STAT5B: variants seen among roughly 807,000 people sequenced by gnomAD.
STAT5B encodes the protein transcription factor STAT5B.
Under a neutral mutation model 107.8 loss-of-function variants are expected in STAT5B, and 21 were observed. The observed-to-expected ratio is 0.19, with a 90% CI of 0.14 to 0.28. The LOEUF is 0.28. Among genes scored for constraint, STAT5B ranks in the 10% least tolerant of loss-of-function variants. The probability of loss-of-function intolerance (pLI) is 1.00; values close to 1 mark genes in which losing one functional copy is unlikely to be tolerated. For missense variants in STAT5B, 565 were observed against 1,008.2 expected (o/e 0.56, Z 5.95); for synonymous variants, 325 against 401.7 (o/e 0.81, Z 2.28).
chr17:42,272,335 G>A (rs2080727957), intron 1 of STAT5B: 1 of 152,046 alleles, frequency 6.6e-6, no homozygotes, highest in African/African-American at 2.4e-5. Context: ...ATAAACCATG[G>A]GGTTCTGTAT....
chr17:42,222,073 T>G, intron 5 of STAT5B, among the ~76,000 whole-genome samples: 1 of 142,738 alleles, frequency 7.0e-6, no homozygotes, highest in South Asian at 2.3e-4. Flanking sequence ...GTGCTGTGTG[T>G]GGTGTGTGTG....
At chr17:42,256,719 G>A (rs184891708) in intron 1 of STAT5B, among the ~76,000 whole-genome samples, 110 of 151,754 alleles carry the variant, frequency 7.2e-4, no homozygotes, top group Middle Eastern at 3.4e-3. Context: ...AAAATTAGCC[G>A]GGTGTGGTGG....
At chr17:42,245,330 C>G (rs1374483096) in intron 1 of STAT5B, among the ~76,000 whole-genome samples, 1 of 151,268 alleles carries the variant, frequency 6.6e-6, no homozygotes, top group Admixed American at 6.6e-5. Context: ...CCCACCTTGG[C>G]CTCCCAAAGT....
intron 5 of STAT5B, 117 bp from the exon 6 acceptor site, chr17:42,219,959 G>A: frequency 6.6e-7 from 1 of 1,507,710 alleles, no homozygotes; most frequent in South Asian, 1.3e-5. Context: ...ACTGCATTAA[G>A]GGCAAGTCGG....
intron 1 of STAT5B, among the ~76,000 whole-genome samples, chr17:42,247,952 T>TA (rs199671071): frequency 1.1e-3 from 154 of 141,088 alleles, no homozygotes; most frequent in East Asian, 5.3e-3. Context: ...ACTCATTCTC[T>TA]AAAAAAAAAA....
chr17:42,253,418 A>C (rs1357998044), intron 1 of STAT5B, among the ~76,000 whole-genome samples: 1 of 152,200 alleles, frequency 6.6e-6, no homozygotes, highest in African/African-American at 2.4e-5. Flanking sequence ...TATTGAACTC[A>C]AAGAGGGCCC....
At chr17:42,223,717 T>C (rs1016002974) in intron 4 of STAT5B, among the ~76,000 whole-genome samples, 161 bp from the exon 5 acceptor site, 17 of 151,456 alleles carry the variant, frequency 1.1e-4, no homozygotes, top group African/African-American at 4.1e-4. Flanking sequence ...CAGGGTGGAG[T>C]GGGAAAAGTG....
At chr17:42,275,797 G>C (rs541834651) in intron 1 of STAT5B, among the ~76,000 whole-genome samples, 2 of 151,794 alleles carry the variant, frequency 1.3e-5, no homozygotes, top group South Asian at 4.2e-4. Flanking sequence ...ACCCCCGCAG[G>C]CTCATCCCAT....
At chr17:42,243,867 CA>C (rs2144334483) in intron 1 of STAT5B, among the ~76,000 whole-genome samples, 1 of 151,920 alleles carries the variant, frequency 6.6e-6, no homozygotes, top group East Asian at 1.9e-4. Flanking sequence ...CATGGTGGCC[CA>C]CAGTGTACAT....
At chr17:42,244,523 T>G (rs2080434563) in intron 1 of STAT5B, among the ~76,000 whole-genome samples, 1 of 152,174 alleles carries the variant, frequency 6.6e-6, no homozygotes, top group Non-Finnish European at 1.5e-5. Context: ...AATACCCTGT[T>G]TCTATACTGC....
At chr17:42,266,097 G>A (rs965934762) in intron 1 of STAT5B, among the ~76,000 whole-genome samples, 16 of 152,004 alleles carry the variant, frequency 1.1e-4, no homozygotes, top group African/African-American at 3.9e-4. Context: ...CATATAAAAA[G>A]ACATATGTGT....
the STAT5B span, among the ~76,000 whole-genome samples, chr17:42,286,976 C>T: frequency 6.6e-6 from 1 of 152,178 alleles, no homozygotes. Context: ...CCTCCCCTGC[C>T]AAATCCATTG....
At chr17:42,231,197 G>A (rs2080314609) in intron 2 of STAT5B, among the ~76,000 whole-genome samples, 1 of 151,868 alleles carries the variant, frequency 6.6e-6, no homozygotes, top group Non-Finnish European at 1.5e-5. Flanking sequence ...TTTGACATAG[G>A]ATCTTGCTAT....
At chr17:42,207,489 A>ATG (rs1491346868) in intron 16 of STAT5B, 69 bp downstream of exon 16, 7 of 22,930 alleles carry the variant, frequency 3.1e-4, no homozygotes, top group Admixed American at 2.3e-3. Flanking sequence ...GCAGGTATGC[A>ATG]CACACACACA....
intron 1 of STAT5B, chr17:42,234,529 C>T (rs930894369): frequency 6.6e-6 from 1 of 152,080 alleles, no homozygotes; most frequent in African/African-American, 2.4e-5. Context: ...TTTGGAAAAC[C>T]AGAACAGATA....
chr17:42,257,312 T>C (rs2080554488), intron 1 of STAT5B, among the ~76,000 whole-genome samples: 1 of 152,214 alleles, frequency 6.6e-6, no homozygotes, highest in Admixed American at 6.5e-5. Flanking sequence ...TACAGGTCAA[T>C]GACAAAGTCT....
chr17:42,225,552 T>C (rs1001967578), intron 3 of STAT5B, among the ~76,000 whole-genome samples: 4 of 152,078 alleles, frequency 2.6e-5, no homozygotes, highest in African/African-American at 9.7e-5. Flanking sequence ...TGGGGGCTGG[T>C]TCCAGGACCC....
chr17:42,267,613 ATG>A (rs2144418875), intron 1 of STAT5B, among the ~76,000 whole-genome samples: 1 of 152,364 alleles, frequency 6.6e-6, no homozygotes, highest in East Asian at 1.9e-4. Context: ...ACAGCTGTAC[ATG>A]TTTATGTGTT....
chr17:42,214,409 T>C, intron 12 of STAT5B: 2 of 984,436 alleles, frequency 2.0e-6, no homozygotes, highest in Non-Finnish European at 2.4e-6. Context: ...AAGTGAAGTA[T>C]GGTAAATCTC....
Sources: allele counts gnomAD v4.1 joint callset (sites outside exome capture counted in the v4.1 genomes callset), GRCh38; gene constraint gnomAD v4.1.1; transcripts MANE v1.5; gene names NCBI Gene and HGNC (gene_info 2026-07-23, HGNC 2026-07-21).